The following RNF216 variants were observed in gnomAD, a reference collection of about 807,000 sequenced individuals.
RNF216 encodes ring finger protein 216, also known as E3 ubiquitin-protein ligase RNF216.
Under a neutral mutation model 110.8 loss-of-function variants are expected in RNF216, and 72 were observed. That is an observed-to-expected ratio of 0.65 (90% CI 0.54 to 0.79). The LOEUF (loss-of-function observed/expected upper bound fraction) is 0.79. Among genes scored for constraint, RNF216 ranks in the 30% least tolerant of loss-of-function variants. The pLI is 0.00. For synonymous variants in RNF216, 495 were observed against 407.5 expected (o/e 1.21, Z -2.59); for missense variants, 1,342 against 1,141.2 (o/e 1.18, Z -2.54).
rs1793392488 is a variant in RNF216 at position 5,721,076 on chromosome 7, T to C, written c.1601A>G (p.Gln534Arg). ...TTTCTGCTCATAGAACTCCTGCTCT[T>C]GTTGCACAGCTGGAAGGAGAGCACG... ...DRRALLPAVQ[Q>R]EQEFYEQKIK... The change falls in exon 9 of 17, where the codon CAA becomes CGA. Residue 534 changes from glutamine to arginine, a missense_variant. By Grantham distance (43) the Gln-to-Arg change is conservative (BLOSUM62 1). Coordinates refer to ENST00000389902, the MANE Select transcript of RNF216 (RefSeq NM_207111.4). 6 of 1,614,110 alleles carry C rather than the reference T, an allele frequency of 3.7e-6. No individual in the cohort carries two copies. Among genetic ancestry groups the C allele is most frequent in the Non-Finnish European group, 5.1e-6 (6 of 1,180,030 alleles).
chr7:5,744,980 A>G (rs75284702), intron 3 of RNF216, among the ~76,000 whole-genome samples: 2 of 146,468 alleles, frequency 1.4e-5, no homozygotes, highest in Non-Finnish European at 3.0e-5. Flanking sequence ...CTCCAAAAAG[A>G]AAAAAAAAAA....
intron 3 of RNF216, among the ~76,000 whole-genome samples, chr7:5,751,721 A>G (rs1322246432): frequency 6.6e-6 from 1 of 151,564 alleles, no homozygotes; most frequent in Non-Finnish European, 1.5e-5. Context: ...CTTTGTCTAT[A>G]AAGCCAACCA....
intron 1 of RNF216, among the ~76,000 whole-genome samples, chr7:5,775,761 C>A (rs577840066): frequency 6.6e-6 from 1 of 151,816 alleles, no homozygotes; most frequent in Admixed American, 6.6e-5. Flanking sequence ...CCCAGCTACT[C>A]GGGAGGCTGA....
chr7:5,681,014 C>A (rs1421403784), intron 13 of RNF216, among the ~76,000 whole-genome samples: 1 of 152,176 alleles, frequency 6.6e-6, no homozygotes, highest in African/African-American at 2.4e-5. Flanking sequence ...CCCTCTCATG[C>A]TGCTGCCTCC....
chr7:5,673,261 G>C (rs963400837), intron 13 of RNF216, among the ~76,000 whole-genome samples: 1 of 152,152 alleles, frequency 6.6e-6, no homozygotes, highest in Non-Finnish European at 1.5e-5. Context: ...GCCTCTCCCC[G>C]CCCACCTATC....
chr7:5,691,732 ACT>A (rs1483339042), intron 13 of RNF216, among the ~76,000 whole-genome samples: 1 of 152,194 alleles, frequency 6.6e-6, no homozygotes, highest in African/African-American at 2.4e-5. Flanking sequence ...ATCAGTACTA[ACT>A]CTAGACACCG....
At chr7:5,761,425 A>G (rs541528475) in intron 1 of RNF216, among the ~76,000 whole-genome samples, 76 of 152,380 alleles carry the variant, frequency 5.0e-4, no homozygotes, top group African/African-American at 1.7e-3. Context: ...AGGCAATTCA[A>G]TTCACAAAAA....
chr7:5,750,300 C>T (rs1026922538), intron 3 of RNF216, among the ~76,000 whole-genome samples: 3 of 152,310 alleles, frequency 2.0e-5, no homozygotes, highest in Admixed American at 1.3e-4. Flanking sequence ...AATGTCTGCC[C>T]TGGTTTGGTT....
At chr7:5,677,016 C>G (rs73062695) in intron 13 of RNF216, among the ~76,000 whole-genome samples, 1 of 152,170 alleles carries the variant, frequency 6.6e-6, no homozygotes, top group Admixed American at 6.5e-5. Flanking sequence ...CCACATGAAA[C>G]GAACCTCGTA....
At chr7:5,638,143 G>A (rs553068617) in intron 15 of RNF216, among the ~76,000 whole-genome samples, 1 of 152,258 alleles carries the variant, frequency 6.6e-6, no homozygotes, top group East Asian at 1.9e-4. Flanking sequence ...CTGCCCCTGT[G>A]GTAACTTGGG....
chr7:5,719,233 G>T, intron 9 of RNF216, among the ~76,000 whole-genome samples: 1 of 152,138 alleles, frequency 6.6e-6, no homozygotes, highest in Non-Finnish European at 1.5e-5. Flanking sequence ...AAGTTAGCCA[G>T]GTGTGGTGGT....
At chr7:5,719,270 G>T (rs1793261843) in intron 9 of RNF216, among the ~76,000 whole-genome samples, 1 of 152,174 alleles carries the variant, frequency 6.6e-6, no homozygotes, top group Non-Finnish European at 1.5e-5. Flanking sequence ...AATTACTCAG[G>T]AGGTTGAGAT....
intron 2 of RNF216, chr7:5,760,336 G>A (rs1272490130): frequency 8.5e-6 from 2 of 235,618 alleles, no homozygotes; most frequent in African/African-American, 2.3e-5. Flanking sequence ...GAACAACGTG[G>A]AGAAACCCCA....
intron 10 of RNF216, 122 bp from the exon 11 acceptor site, chr7:5,715,312 A>T: frequency 1.2e-6 from 1 of 866,006 alleles, no homozygotes; most frequent in South Asian, 1.6e-5. Flanking sequence ...AACCCATTTT[A>T]GGGGCCATAA....
chr7:5,656,238 C>T (rs945951930), intron 13 of RNF216, among the ~76,000 whole-genome samples: 3 of 152,198 alleles, frequency 2.0e-5, no homozygotes, highest in Non-Finnish European at 2.9e-5. Context: ...CACTGCACTC[C>T]AGCCTGGGCG....
At position 5,744,490 on chromosome 7, in the gene RNF216, T is replaced by C. The variant is rs765715189; in HGVS notation, c.202-2675A>G. Among the ~76,000 whole-genome samples the C allele has an allele frequency of 1.1e-3, 161 of 152,018 alleles. 13 individuals carry two copies. Among genetic ancestry groups the C allele is most frequent in the Admixed American group, 6.6e-5 (1 of 15,256 alleles). On this transcript the variant is annotated intron_variant, in intron 3 of 16. Coordinates refer to ENST00000389902, the MANE Select transcript of RNF216 (RefSeq NM_207111.4). ...GGAAGGGAAGGAGGGGGACACATAA[T>C]GGTTAGTTCAAATAACCATTCGAAC...
chr7:5,741,193 G>A lies in RNF216; in HGVS notation c.824C>T (p.Pro275Leu), dbSNP rs1794735022. The stretch of plus-strand genomic sequence containing the variant: ...CCCACCTTGCTGGGGTTCCGGCCTT[G>A]GAAAAGCGGGCCCTGGGAATTCATG... ...FQHEFPGPAF[P>L]RPEPQQGGIS... Residue 275 changes from proline to leucine, a missense_variant, in exon 4 of 17, where the codon CCA (proline) becomes CTA (leucine). By Grantham distance (98) the Pro-to-Leu change is moderately conservative (BLOSUM62 -3). Coordinates refer to ENST00000389902, the MANE Select transcript of RNF216 (RefSeq NM_207111.4). 1.2e-6 allele frequency: 2 copies of A among 1,614,006 alleles called. No homozygotes were observed. The highest frequency in any genetic ancestry group is 1.7e-6 in the Non-Finnish European group (2 of 1,180,020).
rs147896131 is a variant in RNF216, at chr7:5,635,873, T to C, written c.2382+5281A>G. 2.8e-3 allele frequency among the ~76,000 whole-genome samples: 428 copies of C among 152,340 alleles called. 3 individuals are homozygous for C. Among genetic ancestry groups the C allele is most frequent in the African/African-American group, 9.2e-3 (383 of 41,576 alleles). ...TCTTAACCAAATGGCTAGGCGATAATTGTACCAAATTAAACTGGCTGTAAA... is the reference window on the plus strand; with the variant it reads ...TCTTAACCAAATGGCTAGGCGATAACTGTACCAAATTAAACTGGCTGTAAA... On this transcript the variant is annotated intron_variant, in intron 15 of 16. Coordinates refer to ENST00000389902, the MANE Select transcript of RNF216 (RefSeq NM_207111.4).
At chr7:5,727,436 T>C (rs1249833973) in intron 7 of RNF216, among the ~76,000 whole-genome samples, 3 of 152,200 alleles carry the variant, frequency 2.0e-5, no homozygotes, top group Admixed American at 2.0e-4. Flanking sequence ...CACAAACTCT[T>C]AGCAGCATTT....
Sources: allele counts gnomAD v4.1 joint callset (sites outside exome capture counted in the v4.1 genomes callset), GRCh38; gene constraint gnomAD v4.1.1; transcripts MANE v1.5; gene names NCBI Gene and HGNC (gene_info 2026-07-23, HGNC 2026-07-21).